The following AKAP19 variants were observed in gnomAD, a reference collection of about 807,000 sequenced individuals.
AKAP19 encodes the protein A-kinase anchoring protein 19.
chr2:190,000,475 C>T, the AKAP19 span, among the ~76,000 whole-genome samples: 2 of 152,122 alleles, frequency 1.3e-5, no homozygotes, highest in African/African-American at 4.8e-5. Flanking sequence ...GTTGGGGAAC[C>T]CTCTCTATAT....
chr2:190,179,813 A>T, the AKAP19 span, among the ~76,000 whole-genome samples: 5 of 152,222 alleles, frequency 3.3e-5, no homozygotes, highest in African/African-American at 4.8e-5. This position sits in a 1 kb window ranked among gnomAD's most constrained non-coding sequence, Gnocchi z 6.0. Context: ...AGTCAAAATT[A>T]TCACTAAGGT....
At chr2:189,922,476 G>A in the AKAP19 span, among the ~76,000 whole-genome samples, 1 of 152,224 alleles carries the variant, frequency 6.6e-6, no homozygotes, top group Non-Finnish European at 1.5e-5. Context: ...AGCAGATACA[G>A]TTGATCCCTG....
At chr2:190,102,263 A>G in the AKAP19 span, among the ~76,000 whole-genome samples, 852 of 152,230 alleles carry the variant, frequency 5.6e-3, 2 homozygotes, top group African/African-American at 0.019. Flanking sequence ...ATGATCTAAC[A>G]TACACCTTGA....
the AKAP19 span, among the ~76,000 whole-genome samples, chr2:190,024,335 T>TACACAC: frequency 1.4e-5 from 2 of 146,946 alleles, no homozygotes; most frequent in Non-Finnish European, 3.1e-5. Flanking sequence ...TGTGTATATA[T>TACACAC]ATATATGTGT....
At chr2:190,200,222 G>A in the AKAP19 span, 7 of 1,207,142 alleles carry the variant, frequency 5.8e-6, no homozygotes, top group Middle Eastern at 2.1e-4. Flanking sequence ...AAACTGGTGT[G>A]AAAAAGTACA....
At chr2:190,127,102 T>C in the AKAP19 span, among the ~76,000 whole-genome samples, 1 of 151,500 alleles carries the variant, frequency 6.6e-6, no homozygotes, top group South Asian at 2.1e-4. Flanking sequence ...TCTTTCCAGA[T>C]CTGGAAAGCT....
the AKAP19 span, among the ~76,000 whole-genome samples, chr2:189,909,423 T>C: frequency 6.6e-6 from 1 of 152,032 alleles, no homozygotes; most frequent in Admixed American, 6.6e-5. Context: ...GTAGATGCTT[T>C]GTTTCTTTCT....
chr2:189,903,944 G>A, the AKAP19 span, among the ~76,000 whole-genome samples: 1 of 151,988 alleles, frequency 6.6e-6, no homozygotes, highest in Admixed American at 6.6e-5. Context: ...GCCTCCAACT[G>A]CATCTATGTT....
the AKAP19 span, among the ~76,000 whole-genome samples, chr2:190,066,210 T>G: frequency 6.6e-6 from 1 of 152,182 alleles, no homozygotes; most frequent in Non-Finnish European, 1.5e-5. Context: ...CCTCACATTT[T>G]CTGTAACCGT....
chr2:189,906,814 C>A, the AKAP19 span, among the ~76,000 whole-genome samples: 35 of 151,946 alleles, frequency 2.3e-4, no homozygotes, highest in Middle Eastern at 6.8e-3. Context: ...ATAAAAAAAA[C>A]CAAGAAAAGT....
the AKAP19 span, among the ~76,000 whole-genome samples, chr2:190,049,716 C>T: frequency 1.3e-5 from 2 of 152,208 alleles, no homozygotes; most frequent in Non-Finnish European, 2.9e-5. Flanking sequence ...CTAGAGTTCC[C>T]TTACATCTGA....
At chr2:190,020,294 A>C in the AKAP19 span, among the ~76,000 whole-genome samples, 4 of 152,228 alleles carry the variant, frequency 2.6e-5, no homozygotes, top group African/African-American at 9.6e-5. Flanking sequence ...TTTATTTTTT[A>C]AAATAAGTGA....
the AKAP19 span, among the ~76,000 whole-genome samples, chr2:189,936,168 T>C: frequency 1.3e-5 from 2 of 152,070 alleles, no homozygotes; most frequent in Non-Finnish European, 2.9e-5. Flanking sequence ...TGTCTCCATA[T>C]TTTATTTGGG....
At chr2:190,006,566 G>A in the AKAP19 span, among the ~76,000 whole-genome samples, 1 of 151,376 alleles carries the variant, frequency 6.6e-6, no homozygotes, top group Non-Finnish European at 1.5e-5. Flanking sequence ...GTTAACCCAG[G>A]AGGCAGAGCT....
At chr2:190,181,972 A>T in the AKAP19 span, among the ~76,000 whole-genome samples, 5 of 152,238 alleles carry the variant, frequency 3.3e-5, no homozygotes, top group African/African-American at 4.8e-5. Context: ...GTCTGGAAGA[A>T]TAATTTCAGT....
At chr2:190,146,692 T>G in the AKAP19 span, among the ~76,000 whole-genome samples, 1 of 152,242 alleles carries the variant, frequency 6.6e-6, no homozygotes, top group Non-Finnish European at 1.5e-5. Flanking sequence ...ATTATGTTCA[T>G]TCTTGCAGGA....
the AKAP19 span, chr2:189,930,373 A>G: frequency 1.3e-4 from 54 of 422,800 alleles, no homozygotes; most frequent in Non-Finnish European, 2.2e-4. Context: ...GTAGATGTAC[A>G]TGCACGGTAG....
the AKAP19 span, among the ~76,000 whole-genome samples, chr2:190,195,620 ATTG>A: frequency 4.6e-5 from 7 of 152,268 alleles, no homozygotes; most frequent in African/African-American, 9.6e-5. Context: ...TCATATTTGT[ATTG>A]TTGACTTTTA....
chr2:190,047,667 A>T, the AKAP19 span, among the ~76,000 whole-genome samples: 1 of 152,248 alleles, frequency 6.6e-6, no homozygotes, highest in African/African-American at 2.4e-5. Flanking sequence ...ACAAGTATGA[A>T]TAGAATTGAT....
Sources: allele counts gnomAD v4.1 joint callset (sites outside exome capture counted in the v4.1 genomes callset), GRCh38; gene constraint gnomAD v4.1.1; non-coding constraint Gnocchi (gnomAD v3.1); transcripts MANE v1.5; gene names NCBI Gene and HGNC (gene_info 2026-07-23, HGNC 2026-07-21).